Variants in NUP155 observed in about 807,000 individuals in gnomAD.
NUP155 encodes the protein nucleoporin 155, also known as nuclear pore complex protein Nup155.
Under a neutral mutation model 180.4 loss-of-function variants are expected in NUP155, and 71 were observed. That is an observed-to-expected ratio of 0.39 (90% confidence interval 0.33 to 0.48). The LOEUF is 0.48. Ranked by LOEUF, NUP155 falls within the 20% of genes least tolerant of loss-of-function variation. The pLI is 0.91. For missense variants in NUP155, 1,553 were observed against 1,648.9 expected, an observed-to-expected ratio of 0.94 and a Z score of 1.01; for synonymous variants, 582 against 559.5, an observed-to-expected ratio of 1.04 and a Z score of -0.57.
Position 37,301,660 on chromosome 5 carries a change from A to G in NUP155, c.3448-110T>C. 3 of 735,854 alleles carry G rather than the reference A, an allele frequency of 4.1e-6. No individual in the cohort carries two copies. The South Asian group carries it at 4.3e-5, about 10-fold the overall frequency. 45.6% of individuals were successfully genotyped at this position (735,854 alleles called of 1,614,324 possible). A position where few individuals can be genotyped will look rare whatever the true frequency, so the allele number is the denominator to read the frequency against. ...TTAAGTTTGCTAAAATAATGTATAA[A>G]TGAAGATTTCTATCATAATAGGCTA... On this transcript the variant is annotated intron_variant, in intron 29 of 34. Coordinates refer to ENST00000231498, the MANE Select transcript of NUP155 (RefSeq NM_153485.3).
intron 9 of NUP155, among the ~76,000 whole-genome samples, chr5:37,344,341 C>G (rs974806169): frequency 1.8e-5 from 1 of 57,140 alleles, no homozygotes. Flanking sequence ...AACTCTGTCT[C>G]AAAGAAAAAA....
At position 37,331,799 on chromosome 5, in the gene NUP155, A is replaced by G. The variant is rs768320249; in HGVS notation, c.1519-4T>C. 1 of 1,543,434 alleles carries G rather than the reference A, an allele frequency of 6.5e-7. No homozygotes were observed. The highest frequency in any genetic ancestry group is 8.9e-7 in the Non-Finnish European group (1 of 1,118,696). Reference sequence around the variant, plus strand: ...GTTTATGAAACATAAGGCTCCCCTAAGAAATTTGAAGAAAGAACATGAACA... The same window carrying G: ...GTTTATGAAACATAAGGCTCCCCTAGGAAATTTGAAGAAAGAACATGAACA... On this transcript the variant is annotated splice_polypyrimidine_tract_variant and splice_region_variant and intron_variant, in intron 13 of 34. Coordinates refer to ENST00000231498, the MANE Select transcript of NUP155 (RefSeq NM_153485.3).
chr5:37,304,683 C>A, intron 27 of NUP155, 56 bp downstream of exon 27: 2 of 1,217,112 alleles, frequency 1.6e-6, no homozygotes, highest in South Asian at 1.2e-5. Flanking sequence ...GTGCTTAAAT[C>A]ATTGAGTTAT....
At chr5:37,367,047 CTTTT>C (rs113667703) in intron 1 of NUP155, among the ~76,000 whole-genome samples, 1 of 144,214 alleles carries the variant, frequency 6.9e-6, no homozygotes, top group African/African-American at 2.5e-5. Context: ...CTCTTTTTCT[CTTTT>C]TTTTTTTTTC....
intron 20 of NUP155, among the ~76,000 whole-genome samples, chr5:37,319,673 G>A (rs1744119376): frequency 2.0e-5 from 3 of 152,060 alleles, no homozygotes; most frequent in Admixed American, 1.3e-4. Flanking sequence ...CAAGATCAAC[G>A]TGGGCAAAAC....
Position 37,330,222 on chromosome 5 carries a change from T to C in NUP155, c.1630-90A>G, listed in dbSNP as rs756661157. ...TAGATGCAGTATTAAAGTCTGTATC[T>C]AGCACAGAGCAGGCATTCAATAAAT... On this transcript the variant is annotated intron_variant, in intron 14 of 34. Transcript: ENST00000231498. The C allele has an allele frequency of 1.8e-4, 155 of 884,370 alleles. 1 individual carries two copies. The highest frequency in any genetic ancestry group is 2.3e-4 in the Non-Finnish European group (125 of 542,682). The allele number at this position is 884,370 out of a possible 1,614,324, so 54.8% of individuals were successfully genotyped here. A position where few individuals can be genotyped will look rare whatever the true frequency, so the allele number is the denominator to read the frequency against.
intron 9 of NUP155, among the ~76,000 whole-genome samples, chr5:37,347,714 A>T (rs887755844): frequency 1.5e-5 from 2 of 137,436 alleles, no homozygotes; most frequent in African/African-American, 2.7e-5. Flanking sequence ...AAAAAAAAAA[A>T]GTCTTGGCCA....
intron 22 of NUP155, 106 bp from the exon 23 acceptor site, chr5:37,310,849 T>A (rs1200364627): frequency 1.0e-6 from 1 of 955,606 alleles, no homozygotes; most frequent in East Asian, 2.7e-5. Flanking sequence ...ATAGACTCTA[T>A]AATTGAAAAG....
chr5:37,353,914 G>A (rs1446429244), intron 4 of NUP155, among the ~76,000 whole-genome samples: 1 of 152,122 alleles, frequency 6.6e-6, no homozygotes, highest in Non-Finnish European at 1.5e-5. Context: ...CTGAAGTATA[G>A]GCTTAAAAAC....
At chr5:37,355,828 T>C (rs975423672) in intron 4 of NUP155, among the ~76,000 whole-genome samples, 2 of 151,952 alleles carry the variant, frequency 1.3e-5, no homozygotes, top group Non-Finnish European at 2.9e-5. Flanking sequence ...TCCACCCACC[T>C]TGGCCTCCCA....
rs114081519 is a variant in NUP155, at chr5:37,312,699, C to T, written c.2436+1499G>A. ...CAAAAATTAGCTAGGCGTAGTGGTG[C>T]GTGCCTATAGTACCAGCTACTCGGG... On this transcript the variant is annotated intron_variant, in intron 22 of 34. Coordinates refer to ENST00000231498, the MANE Select transcript of NUP155 (RefSeq NM_153485.3). Among the ~76,000 whole-genome samples, 496 of 152,176 alleles carry T rather than the reference C, an allele frequency of 3.3e-3. 9 individuals carry two copies. Among genetic ancestry groups the T allele is most frequent in the African/African-American group, 0.011 (477 of 41,518 alleles).
At chr5:37,314,142 CA>C (rs1432589050) in intron 22 of NUP155, 55 bp downstream of exon 22, 3 of 1,322,212 alleles carry the variant, frequency 2.3e-6, no homozygotes, top group Non-Finnish European at 3.2e-6. Flanking sequence ...AATACTCATC[CA>C]AAAAATCCAA....
intron 4 of NUP155, 81 bp downstream of exon 4, chr5:37,358,000 A>T: frequency 1.0e-6 from 1 of 993,460 alleles, no homozygotes; most frequent in Non-Finnish European, 1.6e-6. Flanking sequence ...CTCGAAAAAA[A>T]TGTGTGTTGT....
At chr5:37,346,388 C>T (rs1270256716) in intron 9 of NUP155, among the ~76,000 whole-genome samples, 1 of 152,000 alleles carries the variant, frequency 6.6e-6, no homozygotes, top group African/African-American at 2.4e-5. Flanking sequence ...AGAGTGTTTG[C>T]AGGTGGGGTG....
Position 37,331,691 on chromosome 5 carries a change from T to C in NUP155, c.1623A>G (p.Leu541=). The change falls in exon 14 of 35, where the codon TTA becomes TTG. Residue 541 remains leucine (L), a synonymous_variant. Transcript: ENST00000231498. ...TAAAAGTATATATAATTACCTGATG[T>C]AATTTAAAGAATCTTTCAATCTCTT... The part of the protein sequence containing the change: ...DGEEIERFFK[L]HQEDQACATC... The C allele has an allele frequency of 6.4e-7, 1 of 1,564,838 alleles. No individual in the cohort carries two copies. The highest frequency in any genetic ancestry group is 8.8e-7 in the Non-Finnish European group (1 of 1,138,586).
chr5:37,336,967 G>A (rs572685087), intron 12 of NUP155, among the ~76,000 whole-genome samples: 103 of 152,316 alleles, frequency 6.8e-4, no homozygotes, highest in African/African-American at 2.4e-3. Context: ...TAAAGACAGA[G>A]TACCAGACAT....
intron 5 of NUP155, among the ~76,000 whole-genome samples, 186 bp downstream of exon 5, chr5:37,352,551 A>T (rs1487053824): frequency 3.9e-5 from 6 of 152,102 alleles, no homozygotes; most frequent in African/African-American, 1.4e-4. Context: ...AAAACAAAAC[A>T]AAACAAAACA....
At position 37,322,983 on chromosome 5, in the gene NUP155, A is replaced by C. The variant is rs554234797; in HGVS notation, c.2207+1009T>G. On this transcript the variant is annotated intron_variant, in intron 20 of 34. Transcript: ENST00000231498. ...AGCGAAACTCCGTCTCAAAAAAAAAACCCAAATGTCCACTCTTGGTCGGGC... is the reference window on the plus strand; with the variant it reads ...AGCGAAACTCCGTCTCAAAAAAAAACCCCAAATGTCCACTCTTGGTCGGGC... Among the ~76,000 whole-genome samples, 39 of 151,102 alleles carry C rather than the reference A, an allele frequency of 2.6e-4. No homozygotes were observed. The East Asian group carries it at 6.7e-3, about 26-fold the overall frequency.
intron 19 of NUP155, among the ~76,000 whole-genome samples, 158 bp downstream of exon 19, chr5:37,325,743 T>C (rs1270184317): frequency 8.5e-6 from 1 of 117,280 alleles, no homozygotes; most frequent in Non-Finnish European, 1.6e-5. Context: ...CACTCCAGCC[T>C]GGGAGACAGA....
Sources: allele counts gnomAD v4.1 joint callset (sites outside exome capture counted in the v4.1 genomes callset), GRCh38; gene constraint gnomAD v4.1.1; transcripts MANE v1.5; gene names NCBI Gene and HGNC (gene_info 2026-07-23, HGNC 2026-07-21).